The following GALNTL6 variants were observed in gnomAD, a reference collection of about 807,000 sequenced individuals.
The protein encoded by GALNTL6 is polypeptide N-acetylgalactosaminyltransferase like 6.
In GALNTL6, 46 loss-of-function variants were observed where a neutral mutation model predicts 73.7. That is an observed-to-expected ratio of 0.62 (90% CI 0.49 to 0.80). The LOEUF (loss-of-function observed/expected upper bound fraction) is 0.80. GALNTL6 is among the 30% of genes least tolerant of loss of function. The pLI is 0.00. For missense variants in GALNTL6, 604 were observed against 755.0 expected (o/e 0.80, Z 2.34); for synonymous variants, 259 against 263.7 (o/e 0.98, Z 0.17).
rs143691333 is a variant in GALNTL6 at position 172,857,795 on chromosome 4, A to G, written c.924-24995A>G. 3.6e-3 allele frequency among the ~76,000 whole-genome samples: 541 copies of G among 152,362 alleles called. 2 individuals are homozygous for G. Among genetic ancestry groups the G allele is most frequent in the Non-Finnish European group, 6.3e-3 (431 of 68,038 alleles). On this transcript the variant is annotated intron_variant, in intron 7 of 12. Transcript: ENST00000506823. ...AATTCTACTCATGAGCCTGTAAAAG[A>G]TGTAAAAATAATCCTCAATAAAGCA...
rs79687441 is a variant in GALNTL6 at position 171,879,444 on chromosome 4, A to G, written c.138+64726A>G. Among the ~76,000 whole-genome samples the G allele has an allele frequency of 1.7e-3, 263 of 152,290 alleles. 1 individual carries two copies. The highest frequency in any genetic ancestry group is 5.8e-3 in the African/African-American group (243 of 41,578). ...TATATATAGCTCTAAAACCTAAAGT[A>G]GAAGACGGCATTAAAAAGTCAAATT... On this transcript the variant is annotated intron_variant, in intron 2 of 12. Transcript: ENST00000506823.
At chr4:171,906,875 C>G (rs550454552) in intron 2 of GALNTL6, among the ~76,000 whole-genome samples, 130 of 152,264 alleles carry the variant, frequency 8.5e-4, no homozygotes, top group Non-Finnish European at 1.6e-3. Context: ...AGCATATAAA[C>G]AGAACCAAAG....
At chr4:172,624,773 A>AT (rs953997539) in intron 5 of GALNTL6, among the ~76,000 whole-genome samples, 1 of 147,486 alleles carries the variant, frequency 6.8e-6, no homozygotes, top group Non-Finnish European at 1.5e-5. Context: ...TTTTTTTTTT[A>AT]TTTTTTTGTT....
chr4:172,301,530 G>C (rs531695867), intron 3 of GALNTL6, among the ~76,000 whole-genome samples: 10 of 152,050 alleles, frequency 6.6e-5, no homozygotes, highest in Non-Finnish European at 2.9e-5. Context: ...TGATGGTGAC[G>C]TACAGATGGG....
intron 5 of GALNTL6, among the ~76,000 whole-genome samples, chr4:172,444,212 A>T (rs336012): frequency 1.1e-3 from 161 of 152,312 alleles, no homozygotes; most frequent in African/African-American, 3.7e-3. Flanking sequence ...TTAGGTTATG[A>T]CTTCTCAGTT....
intron 3 of GALNTL6, among the ~76,000 whole-genome samples, chr4:172,299,769 A>C (rs968331571): frequency 6.6e-6 from 1 of 152,162 alleles, no homozygotes; most frequent in Non-Finnish European, 1.5e-5. Flanking sequence ...ACGTTTGCTG[A>C]GGAGTGCTTT....
intron 2 of GALNTL6, among the ~76,000 whole-genome samples, chr4:171,884,523 T>C (rs1736553119): frequency 6.6e-6 from 1 of 151,534 alleles, no homozygotes; most frequent in African/African-American, 2.4e-5. Flanking sequence ...ATTTAAGATA[T>C]ATACATATAT....
At chr4:171,871,296 A>G (rs899373338) in intron 2 of GALNTL6, among the ~76,000 whole-genome samples, 2 of 152,156 alleles carry the variant, frequency 1.3e-5, no homozygotes, top group African/African-American at 2.4e-5. Context: ...CAGACTAACA[A>G]TTACTACTAA....
chr4:171,898,632 AT>A (rs1483425731), intron 2 of GALNTL6, among the ~76,000 whole-genome samples: 4 of 152,152 alleles, frequency 2.6e-5, no homozygotes, highest in Admixed American at 6.5e-5. Context: ...TATTTTTGAT[AT>A]TCTAGAAAAG....
chr4:172,500,331 G>A (rs1024810872), intron 5 of GALNTL6, among the ~76,000 whole-genome samples: 3 of 152,184 alleles, frequency 2.0e-5, no homozygotes, highest in Admixed American at 2.0e-4. Context: ...TGAGACAGGA[G>A]GATGGCTTGA....
intron 5 of GALNTL6, among the ~76,000 whole-genome samples, chr4:172,386,828 C>A (rs776204413): frequency 6.6e-6 from 1 of 151,996 alleles, no homozygotes; most frequent in Non-Finnish European, 1.5e-5. Flanking sequence ...TAGTTTCTAC[C>A]CACATTGAAG....
At chr4:172,279,281 C>T (rs952162239) in intron 3 of GALNTL6, among the ~76,000 whole-genome samples, 4 of 151,984 alleles carry the variant, frequency 2.6e-5, no homozygotes, top group African/African-American at 4.8e-5. Context: ...AAAAGGTAAC[C>T]ATTGAAATGG....
At chr4:172,348,418 A>C in intron 4 of GALNTL6, 105 bp from the exon 5 acceptor site, 1 of 867,056 alleles carries the variant, frequency 1.2e-6, no homozygotes, top group Non-Finnish European at 1.8e-6. Flanking sequence ...GTATTAGACT[A>C]AGTCGTGTTT....
intron 3 of GALNTL6, among the ~76,000 whole-genome samples, chr4:172,236,389 C>A (rs1279841827): frequency 6.6e-6 from 1 of 151,962 alleles, no homozygotes; most frequent in Non-Finnish European, 1.5e-5. Flanking sequence ...GAAACCCCGT[C>A]TCTACTAAAA....
At chr4:172,857,422 A>G (rs879028369) in intron 7 of GALNTL6, among the ~76,000 whole-genome samples, 3 of 152,158 alleles carry the variant, frequency 2.0e-5, no homozygotes, top group Admixed American at 2.0e-4. Flanking sequence ...ATGCAGGATC[A>G]CTATGAGACA....
intron 7 of GALNTL6, among the ~76,000 whole-genome samples, chr4:172,875,732 AACACACACACACACAC>A (rs59079970): frequency 2.1e-5 from 3 of 145,718 alleles, no homozygotes; most frequent in Non-Finnish European, 4.5e-5. Context: ...CTCATACATA[AACACACACACACACAC>A]ACACACACAC....
chr4:172,174,994 A>G (rs1043727091), intron 2 of GALNTL6, among the ~76,000 whole-genome samples: 1 of 152,232 alleles, frequency 6.6e-6, no homozygotes, highest in African/African-American at 2.4e-5. Flanking sequence ...AGATATTTGC[A>G]TATACTTAAC....
At chr4:172,969,067 G>A (rs1750457075) in intron 10 of GALNTL6, among the ~76,000 whole-genome samples, 1 of 152,138 alleles carries the variant, frequency 6.6e-6, no homozygotes, top group Non-Finnish European at 1.5e-5. Context: ...ATCAAAGCTT[G>A]AAAGAACCAT....
rs116594620 is a variant in GALNTL6, at chr4:172,934,687, A to C, written c.1149+3419A>C. 4.8e-3 allele frequency among the ~76,000 whole-genome samples: 724 copies of C among 152,306 alleles called. 7 individuals carry two copies. The highest frequency in any genetic ancestry group is 0.016 in the African/African-American group (681 of 41,560). ...TGCCACAAGGAACAAGCAGCAAGTC[A>C]CTGAGGGAAGGGATGCTCATGTCTA... is the stretch of plus-strand genomic sequence containing the variant. On this transcript the variant is annotated intron_variant, in intron 9 of 12. Coordinates refer to ENST00000506823, the MANE Select transcript of GALNTL6 (RefSeq NM_001034845.3).
Sources: allele counts gnomAD v4.1 joint callset (sites outside exome capture counted in the v4.1 genomes callset), GRCh38; gene constraint gnomAD v4.1.1; transcripts MANE v1.5; gene names NCBI Gene and HGNC (gene_info 2026-07-23, HGNC 2026-07-21).